Variants in SHOX2 observed in about 807,000 individuals in gnomAD.
SHOX2 encodes SHOX homeobox 2, also known as short stature homeobox protein 2.
In SHOX2, 13 loss-of-function variants were observed where a neutral mutation model predicts 31.3. The observed-to-expected ratio is 0.42, with a 90% CI of 0.27 to 0.66. The LOEUF (loss-of-function observed/expected upper bound fraction) is 0.66. Ranked by LOEUF, SHOX2 falls within the 30% of genes least tolerant of loss-of-function variation. The probability of loss-of-function intolerance (pLI) is 0.27; values close to 1 mark genes in which losing one functional copy is unlikely to be tolerated. For synonymous variants in SHOX2, 244 were observed against 196.2 expected (o/e 1.24, Z -2.04); for missense variants, 473 against 443.0 (o/e 1.07, Z -0.61).
chr3:158,098,296 A>G lies in SHOX2; in HGVS notation c.703-12T>C, dbSNP rs781471172. 12 of 1,612,214 alleles carry G rather than the reference A, an allele frequency of 7.4e-6. No individual in the cohort carries two copies. The highest frequency in any genetic ancestry group is 1.0e-5 in the Non-Finnish European group (12 of 1,178,896). ...AGCTGCGCCTGAACCTGAAAGGACA[A>G]GGGCGTCACGTTGCAATGACTATCC... On this transcript the variant is annotated splice_polypyrimidine_tract_variant and intron_variant, in intron 4 of 4. Transcript: ENST00000483851.
chr3:158,105,614 C>G (rs1192657876), intron 1 of SHOX2, 65 bp downstream of exon 1: 11 of 1,440,356 alleles, frequency 7.6e-6, no homozygotes, highest in Non-Finnish European at 1.0e-5. Flanking sequence ...GGAGTCCTCT[C>G]CCGCCCGAGA....
chr3:158,102,338 A>ATT (rs201563945), intron 2 of SHOX2, among the ~76,000 whole-genome samples: 3 of 151,554 alleles, frequency 2.0e-5, no homozygotes, highest in Non-Finnish European at 4.4e-5. Flanking sequence ...TTTCTGTGGG[A>ATT]TTTTTTTTTA....
Position 158,097,853 on chromosome 3 carries a change from C to A in SHOX2, c.*174G>T, listed in dbSNP as rs1012658428. ...GTGCCTCGTGAGATCCCTGGTCCTG[C>A]GTGGAGTCTGGCTTTCCGAGTCCAA... On this transcript the variant is annotated 3_prime_UTR_variant, in exon 5 of 5. Coordinates refer to ENST00000483851, the MANE Select transcript of SHOX2 (RefSeq NM_001163678.2). The A allele has an allele frequency of 1.7e-4, 144 of 826,302 alleles. No individual in the cohort carries two copies. Among genetic ancestry groups the A allele is most frequent in the Middle Eastern group, 7.6e-4 (2 of 2,644 alleles). The allele number at this position is 826,302 out of a possible 1,614,324, so 51.2% of individuals were successfully genotyped here. A position where few individuals can be genotyped will look rare whatever the true frequency, so the allele number is the denominator to read the frequency against.
chr3:158,104,232 C>G (rs1237813822), intron 1 of SHOX2: 2 of 152,286 alleles, frequency 1.3e-5, no homozygotes, highest in Non-Finnish European at 2.9e-5. Flanking sequence ...ACCTCGCCGT[C>G]AGGCGCGCTG....
rs114411160 is a variant in SHOX2, at chr3:158,104,666, T to A, written c.346+1013A>T. 3.6e-3 allele frequency among the ~76,000 whole-genome samples: 543 copies of A among 152,366 alleles called. 1 individual carries two copies. Among genetic ancestry groups the A allele is most frequent in the African/African-American group, 0.012 (504 of 41,588 alleles). ...GGGGCTTCGAGGAGATGTCCAAATTTCAAGTTGATCCATAGACTTAATAAA... is the reference window on the plus strand; with the variant it reads ...GGGGCTTCGAGGAGATGTCCAAATTACAAGTTGATCCATAGACTTAATAAA... On this transcript the variant is annotated intron_variant, in intron 1 of 4. Coordinates refer to ENST00000483851, the MANE Select transcript of SHOX2 (RefSeq NM_001163678.2).
chr3:158,106,268 GA>G lies in SHOX2; in HGVS notation c.-245del. Reference sequence around the variant, plus strand: ...AGGAGGAAGAAGAGGAAGAGGGGGAGAAGGGTGAAGAGGAGAGGGAGGAGGA... The same window carrying G: ...AGGAGGAAGAAGAGGAAGAGGGGGAGAGGGTGAAGAGGAGAGGGAGGAGGA... On this transcript the variant is annotated 5_prime_UTR_variant, in exon 1 of 5. Coordinates refer to ENST00000483851, the MANE Select transcript of SHOX2 (RefSeq NM_001163678.2). The G allele has an allele frequency of 1.8e-6, 1 of 562,886 alleles. No homozygotes were observed. The highest frequency in any genetic ancestry group is 3.0e-6 in the Non-Finnish European group (1 of 335,444). The allele number at this position is 562,886 out of a possible 1,614,324, so 34.9% of individuals were successfully genotyped here. A position where few individuals can be genotyped will look rare whatever the true frequency, so the allele number is the denominator to read the frequency against.
Position 158,106,128 on chromosome 3 carries a change from C to G in SHOX2, c.-104G>C. 6.5e-7 allele frequency: 1 copy of G among 1,546,610 alleles called. No homozygotes were observed. Among genetic ancestry groups the G allele is most frequent in the Non-Finnish European group, 8.7e-7 (1 of 1,144,176 alleles). On this transcript the variant is annotated 5_prime_UTR_variant, in exon 1 of 5. Coordinates refer to ENST00000483851, the MANE Select transcript of SHOX2 (RefSeq NM_001163678.2). ...TCCAGCCCCCCCAATAATAACACAT[C>G]AATGGGACAGGAGGTGGGGGAGGAG...
Position 158,105,786 on chromosome 3 carries a change from C to T in SHOX2, c.239G>A (p.Gly80Glu), listed in dbSNP as rs745893880. 44 of 1,495,908 alleles carry T rather than the reference C, an allele frequency of 2.9e-5. No individual in the cohort carries two copies. The highest frequency in any genetic ancestry group is 3.4e-5 in the Non-Finnish European group (38 of 1,125,766). 92.7% of individuals were successfully genotyped at this position (1,495,908 alleles called of 1,614,324 possible). Residue 80 changes from glycine to glutamate, a missense_variant, in exon 1 of 5, where the codon GGA becomes GAA. Gly to Glu is a moderately conservative substitution (Grantham distance 98, BLOSUM62 -2). Coordinates refer to ENST00000483851, the MANE Select transcript of SHOX2 (RefSeq NM_001163678.2). ...TCCAGCTCCTCCGCCTGCTCCTCCT[C>T]CTCCTACACCTCCTCCGCCTCCTCC... The part of the protein sequence containing the change: ...GGGGGGGGVG[G>E]GGAGGGAGGG...
rs1015584488 is a variant in SHOX2, at chr3:158,106,235, AGAG to A, written c.-214_-212del. On this transcript the variant is annotated 5_prime_UTR_variant, in exon 1 of 5. Coordinates refer to ENST00000483851, the MANE Select transcript of SHOX2 (RefSeq NM_001163678.2). ...AGTAGAAGGAGAAAAAGAAGTAAGA[AGAG>A]GAGGAGGAGGAAGAAGAGGAAGAGG... 5.6e-5 allele frequency: 40 copies of A among 714,492 alleles called. No homozygotes were observed. The highest frequency in any genetic ancestry group is 1.2e-4 in the South Asian group (6 of 50,124). The allele number at this position is 714,492 out of a possible 1,614,324, so 44.3% of individuals were successfully genotyped here.
rs745893880 is a variant in SHOX2 at position 158,105,786 on chromosome 3, C to A, written c.239G>T (p.Gly80Val). 1 of 1,496,018 alleles carries A rather than the reference C, an allele frequency of 6.7e-7. No homozygotes were observed. Among genetic ancestry groups the A allele is most frequent in the African/African-American group, 1.5e-5 (1 of 68,336 alleles). 92.7% of individuals were successfully genotyped at this position (1,496,018 alleles called of 1,614,324 possible). A position where few individuals can be genotyped will look rare whatever the true frequency, so the allele number is the denominator to read the frequency against. The change falls in exon 1 of 5, where the codon GGA (glycine) becomes GTA (valine). Residue 80 changes from glycine to valine, a missense_variant. By Grantham distance (109) the Gly-to-Val change is moderately radical (BLOSUM62 -3). Transcript: ENST00000483851. The part of the protein sequence containing the change: ...GGGGGGGGVG[G>V]GGAGGGAGGG... Reference sequence around the variant, plus strand: ...TCCAGCTCCTCCGCCTGCTCCTCCTCCTCCTACACCTCCTCCGCCTCCTCC... The same window carrying A: ...TCCAGCTCCTCCGCCTGCTCCTCCTACTCCTACACCTCCTCCGCCTCCTCC...
chr3:158,105,292 T>G (rs540027561), intron 1 of SHOX2: 50 of 610,432 alleles, frequency 8.2e-5, no homozygotes, highest in African/African-American at 8.1e-4. Flanking sequence ...AGAGGCTAGC[T>G]TTAGTCCCGC....
intron 1 of SHOX2, chr3:158,103,102 G>A: frequency 1.7e-6 from 1 of 595,744 alleles, no homozygotes; most frequent in Non-Finnish European, 3.0e-6. Flanking sequence ...AGTCTGAGCG[G>A]CCGCCTGGGG....
At position 158,099,966 on chromosome 3, in the gene SHOX2, G is replaced by A; in HGVS notation, c.614-18C>T. Reference sequence around the variant, plus strand: ...GAGAACACCTGTAAAAAGTACAAGAGAAAAATAATGTGAGGTTAACGTTTG... The same window carrying A: ...GAGAACACCTGTAAAAAGTACAAGAAAAAAATAATGTGAGGTTAACGTTTG... On this transcript the variant is annotated intron_variant, in intron 3 of 4. Coordinates refer to ENST00000483851, the MANE Select transcript of SHOX2 (RefSeq NM_001163678.2). 1 of 1,600,802 alleles carries A rather than the reference G, an allele frequency of 6.2e-7. No homozygotes were observed. Among genetic ancestry groups the A allele is most frequent in the South Asian group, 1.1e-5 (1 of 90,694 alleles).
intron 4 of SHOX2, 59 bp from the exon 5 acceptor site, chr3:158,098,343 A>T (rs764893354): frequency 6.3e-7 from 1 of 1,580,190 alleles, no homozygotes; most frequent in East Asian, 2.3e-5. Context: ...CAGAATAGAA[A>T]CAGAGCATTA....
intron 4 of SHOX2, 56 bp downstream of exon 4, chr3:158,099,804 G>A (rs1431850915): frequency 6.2e-6 from 8 of 1,286,764 alleles, no homozygotes; most frequent in Admixed American, 5.4e-5. Context: ...AACAGTTCAA[G>A]CAAACATTCA....
rs1365300494 is a variant in SHOX2 at position 158,097,994 on chromosome 3, G to A, written c.*33C>T. 2.6e-6 allele frequency: 4 copies of A among 1,558,622 alleles called. No homozygotes were observed. The highest frequency in any genetic ancestry group is 3.5e-6 in the Non-Finnish European group (4 of 1,151,382). On this transcript the variant is annotated 3_prime_UTR_variant, in exon 5 of 5. Coordinates refer to ENST00000483851, the MANE Select transcript of SHOX2 (RefSeq NM_001163678.2). ...GGAGGGCGTGCAGGCTGAGTGCCGCGGGACAGGCGCGACATTGGTGCTGGC... is the reference window on the plus strand; with the variant it reads ...GGAGGGCGTGCAGGCTGAGTGCCGCAGGACAGGCGCGACATTGGTGCTGGC...
chr3:158,097,613 T>G lies in SHOX2; in HGVS notation c.*414A>C. The G allele has an allele frequency of 1.8e-5, 3 of 162,676 alleles. No homozygotes were observed. The highest frequency in any genetic ancestry group is 2.6e-5 in the Non-Finnish European group (2 of 75,548). 10.1% of individuals were successfully genotyped at this position (162,676 alleles called of 1,614,324 possible). On this transcript the variant is annotated 3_prime_UTR_variant, in exon 5 of 5. Coordinates refer to ENST00000483851, the MANE Select transcript of SHOX2 (RefSeq NM_001163678.2). ...GTTCCCTTCCTCTTTTTCTCTCCCGTTTGTCTTTCGATTTTTTTGTTTGCT... is the reference window on the plus strand; with the variant it reads ...GTTCCCTTCCTCTTTTTCTCTCCCGGTTGTCTTTCGATTTTTTTGTTTGCT...
Position 158,106,046 on chromosome 3 carries a change from C to A in SHOX2, c.-22G>T, listed in dbSNP as rs200570704. The A allele has an allele frequency of 1.9e-6, 3 of 1,611,578 alleles. No homozygotes were observed. The highest frequency in any genetic ancestry group is 1.7e-5 in the Admixed American group (1 of 59,944). ...CCATCGCCGCCGCACGTCAGCCCGG[C>A]GCTCAACCTCTGCCAGCAGAGCCCC... On this transcript the variant is annotated 5_prime_UTR_variant, in exon 1 of 5. Transcript: ENST00000483851.
Position 158,098,120 on chromosome 3 carries a change from C to A in SHOX2, c.867G>T (p.Ala289=). ...ADSASAASVV[A]AAAAAKTTSK... ...TGGTGGTCTTGGCGGCTGCTGCGGC[C>A]GCCACTACCGAGGCGGCGGAAGCCG... The change falls in exon 5 of 5, where the codon GCG becomes GCT. Residue 289 remains alanine, a synonymous_variant. Transcript: ENST00000483851. The A allele has an allele frequency of 6.2e-7, 1 of 1,613,084 alleles. No homozygotes were observed. The highest frequency in any genetic ancestry group is 8.5e-7 in the Non-Finnish European group (1 of 1,179,492).
Sources: allele counts gnomAD v4.1 joint callset (sites outside exome capture counted in the v4.1 genomes callset), GRCh38; gene constraint gnomAD v4.1.1; transcripts MANE v1.5; gene names NCBI Gene and HGNC (gene_info 2026-07-23, HGNC 2026-07-21).